INO80: variants seen among roughly 807,000 people sequenced by gnomAD.
The protein encoded by INO80 is chromatin-remodeling ATPase INO80.
INO80 carries 20 observed loss-of-function variants against 203.4 expected under a neutral mutation model. The ratio of observed to expected loss-of-function variants is 0.10; its 90% CI spans 0.07 to 0.14. The LOEUF (loss-of-function observed/expected upper bound fraction) is 0.14. Ranked by LOEUF, INO80 falls within the 10% of genes least tolerant of loss-of-function variation. The pLI is 1.00. For missense variants in INO80, 1,419 were observed against 1,914.4 expected (o/e 0.74, Z 4.83); for synonymous variants, 726 against 685.2 (o/e 1.06, Z -0.93).
At chr15:41,017,001 T>TA (rs1322791836) in intron 26 of INO80, 1 of 151,832 alleles carries the variant, frequency 6.6e-6, no homozygotes, top group Non-Finnish European at 1.5e-5. Flanking sequence ...TTTTTTTTTT[T>TA]AAACCCAAAA....
At chr15:41,037,437 G>A (rs1299656987) in intron 24 of INO80, among the ~76,000 whole-genome samples, 1 of 152,098 alleles carries the variant, frequency 6.6e-6, no homozygotes, top group East Asian at 1.9e-4. Flanking sequence ...CCAGGAGGCA[G>A]AGGTTGCAGT....
chr15:41,090,330 C>G (rs866886907), intron 5 of INO80, among the ~76,000 whole-genome samples: 1 of 152,072 alleles, frequency 6.6e-6, no homozygotes, highest in Non-Finnish European at 1.5e-5. Context: ...AATCCCAGCA[C>G]TTTGGTAGGC....
In INO80 at chr15:40,981,621, A is replaced by G. The variant is rs185618095; in HGVS notation, c.4454-1181T>C. Among the ~76,000 whole-genome samples, 84 of 152,358 alleles carry G rather than the reference A, an allele frequency of 5.5e-4. 1 individual carries two copies. The highest frequency in any genetic ancestry group is 1.9e-3 in the African/African-American group (81 of 41,588). ...ATACTAGTATGCCTTTACTTGCTAC[A>G]ACTATGAGCTCATACTAAGCCCACG... On this transcript the variant is annotated intron_variant, in intron 35 of 35. Coordinates refer to ENST00000648947, the MANE Select transcript of INO80 (RefSeq NM_017553.3).
At position 41,096,257 on chromosome 15, in the gene INO80, C is replaced by T; in HGVS notation, c.54G>A (p.Lys18=). The T allele has an allele frequency of 1.2e-6, 2 of 1,612,356 alleles. No homozygotes were observed. Among genetic ancestry groups the T allele is most frequent in the South Asian group, 2.2e-5 (2 of 90,754 alleles). Residue 18 remains lysine, a synonymous_variant, in exon 2 of 36, where the codon AAG becomes AAA. Transcript: ENST00000648947. ...RDDGGCTELA[K]PLYLQYLERA... ...TCTCCAAGTACTGAAGATAGAGGGGCTTTGCCAGCTCAGTGCAGCCTCCAT... is the reference window on the plus strand; with the variant it reads ...TCTCCAAGTACTGAAGATAGAGGGGTTTTGCCAGCTCAGTGCAGCCTCCAT...
intron 8 of INO80, 71 bp from the exon 9 acceptor site, chr15:41,079,975 C>G (rs1407659544): frequency 2.3e-6 from 3 of 1,285,578 alleles, no homozygotes; most frequent in Non-Finnish European, 3.4e-6. Context: ...GACTCTAAAC[C>G]ACATCATTCC....
chr15:41,098,042 G>C (rs1040792364), intron 1 of INO80, among the ~76,000 whole-genome samples: 1 of 152,072 alleles, frequency 6.6e-6, no homozygotes, highest in Non-Finnish European at 1.5e-5. Flanking sequence ...AGTAGAGACA[G>C]GGTTTCACCG....
Position 41,079,810 on chromosome 15 carries a change from T to C in INO80, c.1022A>G (p.Lys341Arg), listed in dbSNP as rs1285466543. 1.2e-6 allele frequency: 2 copies of C among 1,614,072 alleles called. No individual in the cohort carries two copies. Among genetic ancestry groups the C allele is most frequent in the Admixed American group, 1.7e-5 (1 of 59,986 alleles). The change falls in exon 9 of 36, where the codon AAG (lysine) becomes AGG (arginine). Residue 341 changes from lysine (K) to arginine (R), a missense_variant. Lys to Arg is a conservative substitution (Grantham distance 26). Coordinates refer to ENST00000648947, the MANE Select transcript of INO80 (RefSeq NM_017553.3). ...ETLPRARRLTKEMLLYWKKYE... is the reference protein window; with the variant it reads ...ETLPRARRLTREMLLYWKKYE... ...TTTCTTCCAGTACAGAAGCATCTCC[T>C]TGGTGAGGCGGCGGGCACGAGGCAA...
At chr15:41,069,772 G>C in intron 13 of INO80, 107 bp from the exon 14 acceptor site, 2 of 635,814 alleles carry the variant, frequency 3.1e-6, no homozygotes, top group East Asian at 5.7e-5. Flanking sequence ...CAAATAACAA[G>C]AGAAACAGTG....
intron 14 of INO80, among the ~76,000 whole-genome samples, chr15:41,060,929 T>C (rs1255503797): frequency 1.3e-5 from 2 of 152,146 alleles, no homozygotes; most frequent in Non-Finnish European, 2.9e-5. Flanking sequence ...ACCAGACATA[T>C]AGAAAGACCG....
chr15:41,011,961 T>A (rs1438546746), intron 27 of INO80, among the ~76,000 whole-genome samples: 1 of 152,186 alleles, frequency 6.6e-6, no homozygotes, highest in Non-Finnish European at 1.5e-5. Context: ...TATTTAACAA[T>A]TACACCACAT....
At chr15:41,013,104 C>CAACAACAACA (rs369088968) in intron 27 of INO80, 22,046 of 150,524 alleles carry the variant, frequency 0.15, 1,793 homozygotes, top group Non-Finnish European at 0.18. Context: ...CAACAACAAC[C>CAACAACAACA]ACCACAACAA....
intron 31 of INO80, among the ~76,000 whole-genome samples, chr15:40,985,676 G>A (rs577761643): frequency 6.6e-6 from 1 of 152,248 alleles, no homozygotes; most frequent in South Asian, 2.1e-4. Context: ...TTGGGAGGCT[G>A]GGGCAGGCTG....
chr15:41,044,852 G>C, intron 24 of INO80, 52 bp downstream of exon 24: 1 of 1,499,052 alleles, frequency 6.7e-7, no homozygotes, highest in Non-Finnish European at 8.9e-7. Flanking sequence ...CTTATTCAAG[G>C]AAAAGGAAAG....
chr15:41,039,553 G>C (rs940744868), intron 24 of INO80, among the ~76,000 whole-genome samples: 1 of 152,108 alleles, frequency 6.6e-6, no homozygotes, highest in South Asian at 2.1e-4. Context: ...CATTAATTAC[G>C]TATGTTTCTC....
intron 7 of INO80, among the ~76,000 whole-genome samples, chr15:41,082,351 T>C (rs891657287): frequency 1.3e-5 from 2 of 150,824 alleles, no homozygotes; most frequent in Non-Finnish European, 2.9e-5. Context: ...ATCACTTGAG[T>C]CCAGGAGTTC....
intron 19 of INO80, among the ~76,000 whole-genome samples, chr15:41,052,044 T>C (rs1167676880): frequency 6.6e-6 from 1 of 151,900 alleles, no homozygotes; most frequent in East Asian, 1.9e-4. Context: ...GAGGCTGAGG[T>C]GGGGGGATCC....
chr15:40,983,806 T>C lies in INO80; in HGVS notation c.4193A>G (p.Asn1398Ser), dbSNP rs1156874598. ...ASSAPQSRAT[N>S]SPASITGSVS... Reference sequence around the variant, plus strand: ...GGAGCCTGTTATGGATGCGGGAGAGTTGGTAGCTCGAGACTGAGGGGCTGA... The same window carrying C: ...GGAGCCTGTTATGGATGCGGGAGAGCTGGTAGCTCGAGACTGAGGGGCTGA... Residue 1398 changes from asparagine to serine, a missense_variant, in exon 34 of 36, where the codon AAC becomes AGC. Physicochemically the swap from Asn to Ser is conservative, Grantham distance 46. This residue lies in a region of INO80 where 214 missense variants were observed against 248.9 expected (regional missense o/e 0.86). Coordinates refer to ENST00000648947, the MANE Select transcript of INO80 (RefSeq NM_017553.3). 6.2e-7 allele frequency: 1 copy of C among 1,612,236 alleles called. No individual in the cohort carries two copies. Among genetic ancestry groups the C allele is most frequent in the South Asian group, 1.1e-5 (1 of 90,992 alleles).
chr15:40,984,433 CAG>C, intron 32 of INO80, 81 bp from the exon 33 acceptor site: 1 of 1,320,838 alleles, frequency 7.6e-7, no homozygotes, highest in South Asian at 1.3e-5. Context: ...AAAAGGATAA[CAG>C]AACTTTTATT....
At chr15:40,997,500 ATC>A (rs2043895532) in intron 29 of INO80, 27 bp downstream of exon 29, 1 of 1,443,618 alleles carries the variant, frequency 6.9e-7, no homozygotes, top group African/African-American at 1.4e-5. Flanking sequence ...AAACCTGCAT[ATC>A]TAGTTGATTG....
Sources: gnomAD v4.1 joint callset for allele counts (sites outside exome capture counted in the v4.1 genomes callset) on GRCh38, gnomAD v4.1.1 for gene constraint, gnomAD v4.1.1 regional missense constraint, MANE v1.5 for transcripts, NCBI Gene and HGNC (gene_info 2026-07-23, HGNC 2026-07-21) for gene names.